The following ENPP1 variants were observed in gnomAD, a reference collection of about 807,000 sequenced individuals.
ENPP1 encodes ectonucleotide pyrophosphatase/phosphodiesterase 1.
Under a neutral mutation model 122.8 loss-of-function variants are expected in ENPP1, and 73 were observed. That is an observed-to-expected ratio of 0.59 (90% CI 0.49 to 0.72). The LOEUF (loss-of-function observed/expected upper bound fraction) is 0.72, where lower values mean the gene tolerates loss of function less well. Among genes scored for constraint, ENPP1 ranks in the 30% least tolerant of loss-of-function variants. The pLI is 0.00. For missense variants in ENPP1, 978 were observed against 1,128.1 expected, an observed-to-expected ratio of 0.87 and a Z score of 1.91; for synonymous variants, 367 against 391.6, an observed-to-expected ratio of 0.94 and a Z score of 0.74.
In ENPP1 at chr6:131,875,975, G is replaced by A; in HGVS notation, c.1723+112G>A. On this transcript the variant is annotated intron_variant, in intron 17 of 24. Coordinates refer to ENST00000647893, the MANE Select transcript of ENPP1 (RefSeq NM_006208.3). ...GTGGAGATGATGGTGAGGCAAGACA[G>A]ATTTTTACCTTCTTCCTGACTCTCA... 8 of 794,356 alleles carry A rather than the reference G, an allele frequency of 1.0e-5. No homozygotes were observed. In the South Asian group the frequency reaches 1.1e-4, roughly 11 times the overall value. 49.2% of individuals were successfully genotyped at this position (794,356 alleles called of 1,614,324 possible).
chr6:131,891,283 A>T lies in ENPP1; in HGVS notation c.*772A>T, dbSNP rs34608785. 17,769 of 152,192 alleles carry T rather than the reference A, an allele frequency of 0.12. 1,946 individuals carry two copies. The highest frequency in any genetic ancestry group is 0.3 in the African/African-American group (12,263 of 41,412). 9.4% of individuals were successfully genotyped at this position (152,192 alleles called of 1,614,324 possible). A position where few individuals can be genotyped will look rare whatever the true frequency, so the allele number is the denominator to read the frequency against. On this transcript the variant is annotated 3_prime_UTR_variant, in exon 25 of 25. Coordinates refer to ENST00000647893, the MANE Select transcript of ENPP1 (RefSeq NM_006208.3). ...TTAAAATGGCTTCAAATGTGGCCCT[A>T]TAGACGGTTAAAATTGTACCTTATC...
chr6:131,861,886 T>A (rs534087649), intron 9 of ENPP1, among the ~76,000 whole-genome samples, 182 bp downstream of exon 9: 11 of 152,186 alleles, frequency 7.2e-5, no homozygotes, highest in East Asian at 1.9e-4. Context: ...ACTAGACAAG[T>A]GGGCCAGCTG....
chr6:131,859,995 C>A (rs1181461938), intron 7 of ENPP1, among the ~76,000 whole-genome samples: 1 of 152,086 alleles, frequency 6.6e-6, no homozygotes, highest in Non-Finnish European at 1.5e-5. Context: ...TTGGTCATGT[C>A]CCACGGGCCT....
rs1199216902 is a variant in ENPP1, at chr6:131,884,957, C to T, written c.2338C>T (p.Leu780=). 6.8e-6 allele frequency: 11 copies of T among 1,613,918 alleles called. No individual in the cohort carries two copies. Among genetic ancestry groups the T allele is most frequent in the Non-Finnish European group, 9.3e-6 (11 of 1,179,928 alleles). ...QVIWRYFHDT[L]LRKYAEERNG... ...TATATGGCGCTACTTTCATGACACCCTACTGCGAAAGTATGCTGAAGAAAG... is the reference window on the plus strand; with the variant it reads ...TATATGGCGCTACTTTCATGACACCTTACTGCGAAAGTATGCTGAAGAAAG... Residue 780 remains leucine (L), a synonymous_variant, in exon 23 of 25, where the codon CTA becomes TTA. Coordinates refer to ENST00000647893, the MANE Select transcript of ENPP1 (RefSeq NM_006208.3).
intron 1 of ENPP1, among the ~76,000 whole-genome samples, chr6:131,821,861 A>G (rs983788121): frequency 3.9e-5 from 6 of 152,226 alleles, no homozygotes; most frequent in Non-Finnish European, 8.8e-5. Flanking sequence ...TCTTATACCA[A>G]CGCTTTTTCA....
chr6:131,823,926 G>T (rs565532264), intron 1 of ENPP1, among the ~76,000 whole-genome samples: 2 of 151,082 alleles, frequency 1.3e-5, no homozygotes, highest in Non-Finnish European at 2.9e-5. Context: ...GGGTTAGGTG[G>T]ATTCATATTT....
intron 21 of ENPP1, among the ~76,000 whole-genome samples, 174 bp from the exon 22 acceptor site, chr6:131,883,520 T>C (rs947967802): frequency 3.9e-5 from 6 of 152,226 alleles, no homozygotes; most frequent in Non-Finnish European, 5.9e-5. Context: ...TTTATTTTTG[T>C]AAAGGACTTG....
Position 131,854,997 on chromosome 6 carries a change from G to A in ENPP1, c.689G>A (p.Gly230Glu), listed in dbSNP as rs1781927464. Residue 230 changes from glycine to glutamate, a missense_variant, in exon 6 of 25, where the codon GGA becomes GAA. Around this residue, in one of 3 missense-constraint regions of ENPP1, gnomAD observed 330 missense variants for 328.5 expected, o/e 1.00. Transcript: ENST00000647893. ...GCAGAATATTTACACACTTGGGGTG[G>A]ACTTCTTCCTGTTATTAGCAAACTA... ...FRAEYLHTWG[G>E]LLPVISKLKK... 1 of 1,612,584 alleles carries A rather than the reference G, an allele frequency of 6.2e-7. No homozygotes were observed. The highest frequency in any genetic ancestry group is 1.7e-5 in the Admixed American group (1 of 59,994).
In ENPP1 at chr6:131,852,297, T is replaced by C. The variant is rs114189737; in HGVS notation, c.617+62T>C. The stretch of plus-strand genomic sequence containing the variant: ...TTAGAAGTACAGCATCATTTTTTTC[T>C]TTCCAAATTAAGATGATAAAAATAA... On this transcript the variant is annotated intron_variant, in intron 5 of 24. Coordinates refer to ENST00000647893, the MANE Select transcript of ENPP1 (RefSeq NM_006208.3). 2,091 of 985,422 alleles carry C rather than the reference T, an allele frequency of 2.1e-3. 22 individuals are homozygous for C. The African/African-American group carries it at 0.028, about 13-fold the overall frequency. 61.0% of individuals were successfully genotyped at this position (985,422 alleles called of 1,614,324 possible).
At chr6:131,883,968 A>G (rs1419000422) in intron 22 of ENPP1, among the ~76,000 whole-genome samples, 194 bp downstream of exon 22, 2 of 152,204 alleles carry the variant, frequency 1.3e-5, no homozygotes, top group South Asian at 2.1e-4. Context: ...CTAATTGTAT[A>G]ATTGTTTGCA....
intron 1 of ENPP1, among the ~76,000 whole-genome samples, chr6:131,834,342 G>A (rs1383950270): frequency 6.6e-6 from 1 of 152,158 alleles, no homozygotes; most frequent in African/African-American, 2.4e-5. Context: ...AGGGCTTGCA[G>A]AAACCCAGGA....
At chr6:131,886,919 CTTTTTTCT>C (rs1782385678) in intron 24 of ENPP1, among the ~76,000 whole-genome samples, 195 bp downstream of exon 24, 1 of 110,784 alleles carries the variant, frequency 9.0e-6, no homozygotes, top group Non-Finnish European at 1.7e-5. Flanking sequence ...TCTGCTTTTA[CTTTTTTCT>C]TTTTTTTTTT....
chr6:131,838,627 G>C (rs922769637), intron 1 of ENPP1, among the ~76,000 whole-genome samples: 1 of 147,886 alleles, frequency 6.8e-6, no homozygotes, highest in Non-Finnish European at 1.5e-5. Context: ...ATTAAGCCTA[G>C]ATATGGAAGG....
intron 1 of ENPP1, among the ~76,000 whole-genome samples, 200 bp from the exon 2 acceptor site, chr6:131,847,576 C>T (rs1781825050): frequency 6.6e-6 from 1 of 152,182 alleles, no homozygotes; most frequent in South Asian, 2.1e-4. Flanking sequence ...CCTAGTGGCT[C>T]TTGCCTATAA....
At chr6:131,872,014 A>G (rs2114714367) in intron 13 of ENPP1, 56 bp from the exon 14 acceptor site, 9 of 1,243,620 alleles carry the variant, frequency 7.2e-6, no homozygotes, top group Non-Finnish European at 1.1e-5. Flanking sequence ...TTTTTGTATT[A>G]TGTTTTAATT....
intron 1 of ENPP1, among the ~76,000 whole-genome samples, chr6:131,819,253 T>C (rs1461126921): frequency 6.6e-6 from 1 of 152,256 alleles, no homozygotes; most frequent in African/African-American, 2.4e-5. Context: ...TGTAACAGTA[T>C]GTAAAGTTCA....
rs780940149 is a variant in ENPP1, at chr6:131,879,977, T to A, written c.2043T>A (p.Ser681Arg). 4 of 1,614,066 alleles carry A rather than the reference T, an allele frequency of 2.5e-6. No individual in the cohort carries two copies. The highest frequency in any genetic ancestry group is 3.4e-6 in the Non-Finnish European group (4 of 1,179,936). The change falls in exon 20 of 25, where the codon AGT becomes AGA. Residue 681 changes from serine (S) to arginine (R), a missense_variant. Ser to Arg is a moderately radical substitution (Grantham distance 110). Coordinates refer to ENST00000647893, the MANE Select transcript of ENPP1 (RefSeq NM_006208.3). ...TTCTTTCCCAGCACCAGTTTATGAG[T>A]GGATACAGCCAAGACATCTTAATGC... is the stretch of plus-strand genomic sequence containing the variant. Reference protein sequence around the residue: ...ICLLSQHQFMSGYSQDILMPL... With the variant: ...ICLLSQHQFMRGYSQDILMPL...
chr6:131,878,605 T>G lies in ENPP1; in HGVS notation c.1945+12T>G. 2 of 1,600,948 alleles carry G rather than the reference T, an allele frequency of 1.2e-6. No homozygotes were observed. The highest frequency in any genetic ancestry group is 2.2e-5 in the East Asian group (1 of 44,792). ...GACTGTGGCAGAAGGTAAGGCATGCTACACACTCAAGCTCGGAATGTGAAG... is the reference window on the plus strand; with the variant it reads ...GACTGTGGCAGAAGGTAAGGCATGCGACACACTCAAGCTCGGAATGTGAAG... On this transcript the variant is annotated intron_variant, in intron 19 of 24. Transcript: ENST00000647893.
At chr6:131,823,231 G>A (rs906525943) in intron 1 of ENPP1, among the ~76,000 whole-genome samples, 3 of 152,190 alleles carry the variant, frequency 2.0e-5, no homozygotes, top group Non-Finnish European at 4.4e-5. Context: ...CTATGCTAAA[G>A]ACTTATCTCC....
Sources: gnomAD v4.1 joint callset for allele counts (sites outside exome capture counted in the v4.1 genomes callset) on GRCh38, gnomAD v4.1.1 for gene constraint, gnomAD v4.1.1 regional missense constraint, MANE v1.5 for transcripts, NCBI Gene and HGNC (gene_info 2026-07-23, HGNC 2026-07-21) for gene names.